SGCZ: variants seen among roughly 807,000 people sequenced by gnomAD.
The protein encoded by SGCZ is sarcoglycan zeta, also known as zeta-sarcoglycan.
Under a neutral mutation model 41.3 loss-of-function variants are expected in SGCZ, and 40 were observed. The ratio of observed to expected loss-of-function variants is 0.97; its 90% CI spans 0.75 to 1.26. The LOEUF is 1.26. SGCZ is among the 50% of genes most tolerant of loss of function. The probability of loss-of-function intolerance (pLI) is 0.00; values close to 1 mark genes in which losing one functional copy is unlikely to be tolerated. For synonymous variants in SGCZ, 206 were observed against 137.5 expected, an observed-to-expected ratio of 1.50 and a Z score of -3.49; for missense variants, 552 against 369.8, an observed-to-expected ratio of 1.49 and a Z score of -4.04.
chr8:14,769,793 T>TAAAAAAAAAGAAAAAAAAAAAAAAA (rs1800171216), intron 1 of SGCZ, among the ~76,000 whole-genome samples: 1 of 52,196 alleles, frequency 1.9e-5, no homozygotes, highest in Non-Finnish European at 3.2e-5. Flanking sequence ...AAAACACCAT[T>TAAAAAAAAAGAAAAAAAAAAAAAAA]AAAAAAAAAA....
chr8:15,149,835 T>C (rs1159601567), intron 1 of SGCZ, among the ~76,000 whole-genome samples: 1 of 151,788 alleles, frequency 6.6e-6, no homozygotes, highest in African/African-American at 2.4e-5. Context: ...CACGGAAGTG[T>C]CCAAAGATAC....
At chr8:14,570,690 A>G (rs1180094331) in intron 1 of SGCZ, among the ~76,000 whole-genome samples, 2 of 152,202 alleles carry the variant, frequency 1.3e-5, no homozygotes, top group Admixed American at 1.3e-4. Flanking sequence ...TGAAAAATGC[A>G]TACCTCCAGA....
chr8:15,127,064 T>C (rs1807719405), intron 1 of SGCZ, among the ~76,000 whole-genome samples: 1 of 152,210 alleles, frequency 6.6e-6, no homozygotes, highest in Admixed American at 6.5e-5. Flanking sequence ...TTTAAAAGGA[T>C]GACACTTCAC....
chr8:15,058,744 T>G (rs1208500013), intron 1 of SGCZ, among the ~76,000 whole-genome samples: 4 of 152,216 alleles, frequency 2.6e-5, no homozygotes, highest in African/African-American at 9.6e-5. Flanking sequence ...TTGGATCCCA[T>G]GTCTTCTTTT....
chr8:14,814,377 G>A (rs1801833205), intron 1 of SGCZ, among the ~76,000 whole-genome samples: 1 of 152,042 alleles, frequency 6.6e-6, no homozygotes, highest in African/African-American at 2.4e-5. Context: ...GAAGAAGGAA[G>A]GGCAAAGATT....
At chr8:14,180,641 A>G (rs1421806128) in intron 4 of SGCZ, among the ~76,000 whole-genome samples, 1 of 152,090 alleles carries the variant, frequency 6.6e-6, no homozygotes, top group East Asian at 1.9e-4. Flanking sequence ...ATCTCCCTAA[A>G]GGGATACAAA....
chr8:14,154,836 G>A (rs561376604), intron 5 of SGCZ, among the ~76,000 whole-genome samples: 1 of 152,250 alleles, frequency 6.6e-6, no homozygotes, highest in East Asian at 1.9e-4. Flanking sequence ...GTTCTGACAG[G>A]TAGTCCTATC....
At chr8:14,787,503 G>A (rs1800804985) in intron 1 of SGCZ, among the ~76,000 whole-genome samples, 1 of 151,980 alleles carries the variant, frequency 6.6e-6, no homozygotes. Context: ...TAGTTCAGTG[G>A]AATCACTCTT....
At chr8:15,014,131 T>A (rs1802936403) in intron 1 of SGCZ, among the ~76,000 whole-genome samples, 1 of 152,184 alleles carries the variant, frequency 6.6e-6, no homozygotes, top group East Asian at 1.9e-4. Context: ...GTGAGTGATC[T>A]CATGAAACCC....
At chr8:14,904,899 A>G (rs1799078276) in intron 1 of SGCZ, among the ~76,000 whole-genome samples, 1 of 151,790 alleles carries the variant, frequency 6.6e-6, no homozygotes, top group Non-Finnish European at 1.5e-5. Context: ...TTTATCTTTC[A>G]ACTCTCCTCC....
intron 1 of SGCZ, among the ~76,000 whole-genome samples, chr8:15,136,523 T>C (rs751433203): frequency 4.5e-4 from 69 of 152,172 alleles, no homozygotes; most frequent in Admixed American, 8.5e-4. Context: ...CTCATCTGAA[T>C]TGTAGATCCC....
Position 14,313,489 on chromosome 8 carries a change from G to T in SGCZ, c.336+10614C>A, listed in dbSNP as rs570591484. On this transcript the variant is annotated intron_variant, in intron 3 of 7. Transcript: ENST00000382080. ...AAGCCACCATGCCCAGCTAATTTTTGTATTTTTAGTAGTGACAAGGCTTTG... is the reference window on the plus strand; with the variant it reads ...AAGCCACCATGCCCAGCTAATTTTTTTATTTTTAGTAGTGACAAGGCTTTG... Among the ~76,000 whole-genome samples the T allele has an allele frequency of 1.6e-4, 25 of 152,022 alleles. No homozygotes were observed. The South Asian group carries it at 5.2e-3, about 32-fold the overall frequency.
intron 2 of SGCZ, among the ~76,000 whole-genome samples, chr8:14,418,612 A>C (rs540040950): frequency 2.2e-4 from 33 of 149,506 alleles, no homozygotes; most frequent in Admixed American, 1.6e-3. Flanking sequence ...AAGTCTGCTA[A>C]CTATCAATTA....
chr8:14,651,768 C>A (rs1456664094), intron 1 of SGCZ, among the ~76,000 whole-genome samples: 1 of 151,902 alleles, frequency 6.6e-6, no homozygotes, highest in East Asian at 1.9e-4. Flanking sequence ...GTGTTTCTAC[C>A]CCATAAAAGA....
chr8:15,084,802 G>C (rs1314551306), intron 1 of SGCZ, among the ~76,000 whole-genome samples: 1 of 152,086 alleles, frequency 6.6e-6, no homozygotes, highest in Non-Finnish European at 1.5e-5. Context: ...CCTATGTCTA[G>C]TGTAAGAACA....
At chr8:15,035,311 C>A (rs1237896232) in intron 1 of SGCZ, among the ~76,000 whole-genome samples, 1 of 151,972 alleles carries the variant, frequency 6.6e-6, no homozygotes. Flanking sequence ...TTTATATAAG[C>A]TTCATAGTAA....
chr8:14,245,239 G>C (rs540458329), intron 3 of SGCZ, among the ~76,000 whole-genome samples: 9 of 152,040 alleles, frequency 5.9e-5, no homozygotes, highest in East Asian at 1.9e-4. Context: ...TTTGGTACCA[G>C]AACAGAGATA....
chr8:14,936,787 A>G (rs1164181019), intron 1 of SGCZ, among the ~76,000 whole-genome samples: 1 of 151,928 alleles, frequency 6.6e-6, no homozygotes, highest in Non-Finnish European at 1.5e-5. Flanking sequence ...ATTCGAAATT[A>G]TGAAGAAAGT....
chr8:15,120,681 T>C (rs1004077494), intron 1 of SGCZ, among the ~76,000 whole-genome samples: 2 of 152,200 alleles, frequency 1.3e-5, no homozygotes, highest in African/African-American at 4.8e-5. Flanking sequence ...TGAATTGACA[T>C]GCTCAGCCCA....
Sources: allele counts gnomAD v4.1 joint callset (sites outside exome capture counted in the v4.1 genomes callset), GRCh38; gene constraint gnomAD v4.1.1; transcripts MANE v1.5; gene names NCBI Gene and HGNC (gene_info 2026-07-23, HGNC 2026-07-21).